EPHA7: variants seen among roughly 807,000 people sequenced by gnomAD.
EPHA7 encodes ephrin type-A receptor 7.
Under a neutral mutation model 112.6 loss-of-function variants are expected in EPHA7, and 25 were observed. The observed-to-expected ratio is 0.22, with a 90% confidence interval of 0.16 to 0.31. The LOEUF (loss-of-function observed/expected upper bound fraction) is 0.31, where lower values mean the gene tolerates loss of function less well. EPHA7 is among the 10% of genes least tolerant of loss of function. The pLI is 1.00. For missense variants in EPHA7, 962 were observed against 1,212.6 expected (o/e 0.79, Z 3.07); for synonymous variants, 437 against 406.5 (o/e 1.07, Z -0.90).
At chr6:93,301,412 T>C (rs572036949) in intron 5 of EPHA7, among the ~76,000 whole-genome samples, 27 of 152,284 alleles carry the variant, frequency 1.8e-4, no homozygotes, top group African/African-American at 6.3e-4. Flanking sequence ...AAATTTAAAA[T>C]ATATTTTCTG....
intron 3 of EPHA7, among the ~76,000 whole-genome samples, chr6:93,408,944 T>G (rs1778842720): frequency 6.6e-6 from 1 of 152,068 alleles, no homozygotes; most frequent in Non-Finnish European, 1.5e-5. Flanking sequence ...TAATCAACAT[T>G]TAAAAATTGT....
At chr6:93,351,688 G>A (rs914812164) in intron 5 of EPHA7, among the ~76,000 whole-genome samples, 6 of 151,826 alleles carry the variant, frequency 4.0e-5, no homozygotes, top group Non-Finnish European at 7.4e-5. Flanking sequence ...AAATCTCTCC[G>A]TTGCCTATGG....
rs1027759695 is a variant in EPHA7, at chr6:93,243,190, A to C, written c.*236T>G. 1 of 375,388 alleles carries C rather than the reference A, an allele frequency of 2.7e-6. No homozygotes were observed. Among genetic ancestry groups the C allele is most frequent in the Non-Finnish European group, 4.8e-6 (1 of 210,038 alleles). The allele number at this position is 375,388 out of a possible 1,614,324, so 23.3% of individuals were successfully genotyped here. On this transcript the variant is annotated 3_prime_UTR_variant, in exon 17 of 17. Coordinates refer to ENST00000369303, the MANE Select transcript of EPHA7 (RefSeq NM_004440.4). ...GGTGTTTGGATGTTTTTCAGGTAGT[A>C]CTTTGTTTATTGTCACTGCTATTTT...
chr6:93,289,605 C>A (rs981962241), intron 5 of EPHA7, among the ~76,000 whole-genome samples: 1 of 151,666 alleles, frequency 6.6e-6, no homozygotes, highest in African/African-American at 2.4e-5. Flanking sequence ...GCCTGGGTGA[C>A]AGTGCAAGAC....
intron 5 of EPHA7, among the ~76,000 whole-genome samples, chr6:93,354,231 C>G (rs1000676936): frequency 6.6e-6 from 1 of 152,012 alleles, no homozygotes; most frequent in Non-Finnish European, 1.5e-5. Context: ...AATCACCCCC[C>G]TTTAGGAAGA....
intron 3 of EPHA7, among the ~76,000 whole-genome samples, chr6:93,364,761 TTACC>T (rs1268779738): frequency 2.0e-5 from 3 of 152,014 alleles, no homozygotes; most frequent in African/African-American, 2.4e-5. Context: ...AAAAAAGAAA[TTACC>T]TATGGATTAC....
intron 3 of EPHA7, among the ~76,000 whole-genome samples, chr6:93,397,655 C>G (rs931289070): frequency 4.6e-5 from 7 of 151,844 alleles, no homozygotes; most frequent in Non-Finnish European, 7.4e-5. Flanking sequence ...CATTGGATTC[C>G]AGTCTGACTG....
chr6:93,306,143 T>C (rs996332470), intron 5 of EPHA7, among the ~76,000 whole-genome samples: 13 of 151,992 alleles, frequency 8.6e-5, no homozygotes, highest in Non-Finnish European at 1.8e-4. Context: ...TAAAATATAA[T>C]TTGACTGCAG....
At chr6:93,245,542 AC>A in intron 15 of EPHA7, 89 bp from the exon 16 acceptor site, 1 of 1,327,780 alleles carries the variant, frequency 7.5e-7, no homozygotes, top group Non-Finnish European at 1.0e-6. Context: ...GGTATAAAGA[AC>A]AAAATTAGAT....
At chr6:93,418,620 G>A (rs1347779756) in intron 1 of EPHA7, among the ~76,000 whole-genome samples, 1 of 152,192 alleles carries the variant, frequency 6.6e-6, no homozygotes, top group Non-Finnish European at 1.5e-5. Context: ...GTCGCGCGCC[G>A]CACGCCGCGC....
chr6:93,388,103 A>G (rs1384499685), intron 3 of EPHA7, among the ~76,000 whole-genome samples: 1 of 152,146 alleles, frequency 6.6e-6, no homozygotes, highest in Non-Finnish European at 1.5e-5. Flanking sequence ...CATGAACATT[A>G]TCTTGTATAT....
At chr6:93,259,034 C>A (rs1770571192) in intron 10 of EPHA7, among the ~76,000 whole-genome samples, 1 of 151,834 alleles carries the variant, frequency 6.6e-6, no homozygotes, top group Non-Finnish European at 1.5e-5. Context: ...CAGCAAAATT[C>A]TGGAAATTTC....
At chr6:93,331,225 G>T (rs890561506) in intron 5 of EPHA7, among the ~76,000 whole-genome samples, 4 of 151,352 alleles carry the variant, frequency 2.6e-5, no homozygotes, top group African/African-American at 9.7e-5. Context: ...TTTAAGAAAA[G>T]AAGTAAACAG....
chr6:93,338,726 C>T (rs1200535184), intron 5 of EPHA7, among the ~76,000 whole-genome samples: 4 of 151,612 alleles, frequency 2.6e-5, no homozygotes, highest in Non-Finnish European at 5.9e-5. Flanking sequence ...GAGAGTTGAT[C>T]TTTAGAATCT....
intron 5 of EPHA7, among the ~76,000 whole-genome samples, chr6:93,290,137 T>C (rs776183989): frequency 1.3e-5 from 2 of 152,028 alleles, no homozygotes; most frequent in African/African-American, 2.4e-5. Context: ...AATATACACA[T>C]ATGTAATGAT....
At chr6:93,276,216 T>C (rs569789913) in intron 5 of EPHA7, among the ~76,000 whole-genome samples, 21 of 152,124 alleles carry the variant, frequency 1.4e-4, no homozygotes, top group Middle Eastern at 3.4e-3. Flanking sequence ...TATCTAGTCA[T>C]ACGAGCCCTT....
chr6:93,329,072 A>G (rs866915134), intron 5 of EPHA7, among the ~76,000 whole-genome samples: 1 of 151,440 alleles, frequency 6.6e-6, no homozygotes, highest in South Asian at 2.1e-4. Flanking sequence ...TCAGGGAACT[A>G]AAGTGAATAA....
At chr6:93,417,886 AG>A (rs955852778) in intron 1 of EPHA7, among the ~76,000 whole-genome samples, 6 of 152,040 alleles carry the variant, frequency 3.9e-5, no homozygotes, top group African/African-American at 1.5e-4. Context: ...TCAGGCTGAA[AG>A]AAGGACTAGA....
intron 3 of EPHA7, among the ~76,000 whole-genome samples, chr6:93,396,108 CTATT>C (rs1336042593): frequency 2.6e-5 from 4 of 151,794 alleles, no homozygotes; most frequent in African/African-American, 7.2e-5. Flanking sequence ...AAATGCTAAA[CTATT>C]TATCTCAGTT....
Sources: allele counts gnomAD v4.1 joint callset (sites outside exome capture counted in the v4.1 genomes callset), GRCh38; gene constraint gnomAD v4.1.1; transcripts MANE v1.5; gene names NCBI Gene and HGNC (gene_info 2026-07-23, HGNC 2026-07-21).